Variants in PPP4R2 observed in about 807,000 individuals in gnomAD.
The protein encoded by PPP4R2 is serine/threonine-protein phosphatase 4 regulatory subunit 2.
In PPP4R2, 13 loss-of-function variants were observed where a neutral mutation model predicts 47.2. The ratio of observed to expected loss-of-function variants is 0.28; its 90% CI spans 0.18 to 0.44. The LOEUF (loss-of-function observed/expected upper bound fraction) is 0.44, where lower values mean the gene tolerates loss of function less well. PPP4R2 is among the 20% of genes least tolerant of loss of function. The probability of loss-of-function intolerance (pLI) is 1.00; values close to 1 mark genes in which losing one functional copy is unlikely to be tolerated. For synonymous variants in PPP4R2, 151 were observed against 163.3 expected, an observed-to-expected ratio of 0.92 and a Z score of 0.57; for missense variants, 421 against 491.2, an observed-to-expected ratio of 0.86 and a Z score of 1.35.
At chr3:73,013,646 C>CT (rs56817057) in intron 2 of PPP4R2, among the ~76,000 whole-genome samples, 2,278 of 145,076 alleles carry the variant, frequency 0.016, 60 homozygotes, top group African/African-American at 0.052. Context: ...TTTTCTTTTT[C>CT]TTTTTTTTTT....
At chr3:73,033,207 A>G (rs969148394) in intron 2 of PPP4R2, among the ~76,000 whole-genome samples, 4 of 152,098 alleles carry the variant, frequency 2.6e-5, no homozygotes, top group African/African-American at 9.7e-5. Flanking sequence ...TATTCTACCT[A>G]CTTATTTGAT....
chr3:72,997,177 G>T (rs1201997659), intron 1 of PPP4R2, 106 bp downstream of exon 1: 2 of 914,604 alleles, frequency 2.2e-6, no homozygotes, highest in Middle Eastern at 2.4e-4. Flanking sequence ...GCGGCGTGGG[G>T]AGAGTGCTTC....
chr3:73,009,687 A>G (rs1701683660), intron 2 of PPP4R2, among the ~76,000 whole-genome samples: 1 of 152,194 alleles, frequency 6.6e-6, no homozygotes, highest in African/African-American at 2.4e-5. Flanking sequence ...CTTGTAGACT[A>G]AAGGTCTTTT....
intron 2 of PPP4R2, among the ~76,000 whole-genome samples, chr3:73,046,152 A>G (rs775163780): frequency 6.6e-6 from 1 of 152,204 alleles, no homozygotes. Flanking sequence ...GACTCTTGCT[A>G]CATGGATTAT....
In PPP4R2 at chr3:73,063,140, A is replaced by G; in HGVS notation, c.420-533A>G. ...CCAAACTTAGCAACAGCGGCAAACT[A>G]CTGGGCCAAGATGAGCAACCCCACA... is the stretch of plus-strand genomic sequence containing the variant. On this transcript the variant is annotated intron_variant, in intron 5 of 8. Coordinates refer to ENST00000356692, the MANE Select transcript of PPP4R2 (RefSeq NM_174907.4). 6.0e-6 allele frequency: 3 copies of G among 503,612 alleles called. No homozygotes were observed. In the South Asian group the frequency reaches 7.6e-5, roughly 13 times the overall value. 31.2% of individuals were successfully genotyped at this position (503,612 alleles called of 1,614,324 possible).
Position 73,065,665 on chromosome 3 carries a change from C to G in PPP4R2, c.1197C>G (p.Ser399=). 1 of 1,610,574 alleles carries G rather than the reference C, an allele frequency of 6.2e-7. No individual in the cohort carries two copies. The highest frequency in any genetic ancestry group is 8.5e-7 in the Non-Finnish European group (1 of 1,177,208). The change falls in exon 9 of 9, where the codon TCC becomes TCG. Residue 399 remains serine (S), a synonymous_variant. Coordinates refer to ENST00000356692, the MANE Select transcript of PPP4R2 (RefSeq NM_174907.4). The part of the protein sequence containing the change: ...SKTGEILSES[S]MENDDEATEV... ...CTGGAGAGATTCTTTCAGAATCATC[C>G]ATGGAAAATGATGACGAAGCCACAG...
At chr3:73,026,268 C>G (rs944626357) in intron 2 of PPP4R2, among the ~76,000 whole-genome samples, 2 of 152,138 alleles carry the variant, frequency 1.3e-5, no homozygotes, top group African/African-American at 4.8e-5. Flanking sequence ...CGTACTGCCT[C>G]GTCCCAGTGA....
intron 3 of PPP4R2, among the ~76,000 whole-genome samples, chr3:73,050,920 T>C (rs781306478): frequency 2.1e-4 from 32 of 152,212 alleles, no homozygotes; most frequent in African/African-American, 7.5e-4. Context: ...GCCTTTTTTT[T>C]ATTTTTTTCT....
chr3:72,998,241 G>A lies in PPP4R2; in HGVS notation c.116+83G>A. 4.8e-6 allele frequency: 4 copies of A among 835,346 alleles called. No individual in the cohort carries two copies. In the South Asian group the frequency reaches 6.9e-5, roughly 14 times the overall value. 51.7% of individuals were successfully genotyped at this position (835,346 alleles called of 1,614,324 possible). On this transcript the variant is annotated intron_variant, in intron 2 of 8. Transcript: ENST00000356692. The stretch of plus-strand genomic sequence containing the variant: ...GGAAAGGGAAAAAAGTATATTTTGG[G>A]ATAATTAAATAATTCATTCTAAATT...
chr3:73,026,641 C>T (rs1395862900), intron 2 of PPP4R2, among the ~76,000 whole-genome samples: 1 of 152,050 alleles, frequency 6.6e-6, no homozygotes, highest in Non-Finnish European at 1.5e-5. Context: ...CCCAGGGCAG[C>T]TTTGAATGTG....
chr3:73,009,422 T>TA (rs1701678680), intron 2 of PPP4R2, among the ~76,000 whole-genome samples: 1 of 152,164 alleles, frequency 6.6e-6, no homozygotes, highest in African/African-American at 2.4e-5. Flanking sequence ...CTAAACTCTT[T>TA]AAAGTCACAA....
chr3:73,021,688 C>T (rs1321784095), intron 2 of PPP4R2, among the ~76,000 whole-genome samples: 1 of 152,032 alleles, frequency 6.6e-6, no homozygotes, highest in Non-Finnish European at 1.5e-5. Flanking sequence ...CACATTCCTT[C>T]TCATGTTTAT....
intron 2 of PPP4R2, chr3:73,014,948 C>A (rs963858205): frequency 1.4e-6 from 1 of 696,132 alleles, no homozygotes; most frequent in South Asian, 1.5e-5. Context: ...AAGTGATCCA[C>A]CTGCCTCAAC....
chr3:73,007,724 A>G (rs959736892), intron 2 of PPP4R2, among the ~76,000 whole-genome samples: 5 of 152,066 alleles, frequency 3.3e-5, no homozygotes, highest in Non-Finnish European at 7.4e-5. Flanking sequence ...CTTGACCTCA[A>G]GTGATCGACC....
chr3:73,052,486 A>G (rs1183468997), intron 3 of PPP4R2, among the ~76,000 whole-genome samples: 4 of 152,188 alleles, frequency 2.6e-5, no homozygotes, highest in Admixed American at 2.0e-4. Context: ...AGGGCCATTT[A>G]TGAAAATCCT....
At chr3:73,008,452 C>T (rs1006914507) in intron 2 of PPP4R2, among the ~76,000 whole-genome samples, 14 of 152,104 alleles carry the variant, frequency 9.2e-5, no homozygotes, top group African/African-American at 3.4e-4. Context: ...TTTCGGGTGC[C>T]CAAATAAGCT....
intron 2 of PPP4R2, among the ~76,000 whole-genome samples, chr3:73,033,494 T>C (rs1346865531): frequency 1.3e-5 from 2 of 152,216 alleles, no homozygotes; most frequent in Non-Finnish European, 2.9e-5. Flanking sequence ...TTTTTAATTC[T>C]GGGAATTATT....
chr3:73,011,729 T>C (rs964113875), intron 2 of PPP4R2, among the ~76,000 whole-genome samples: 21 of 152,260 alleles, frequency 1.4e-4, no homozygotes, highest in African/African-American at 5.1e-4. Flanking sequence ...TGTAATTTTG[T>C]AGAGACATAA....
rs143800246 is a variant in PPP4R2, at chr3:73,032,315, C to T, written c.117-14871C>T. Among the ~76,000 whole-genome samples the T allele has an allele frequency of 4.7e-5, 7 of 150,478 alleles. 1 individual carries two copies. Among genetic ancestry groups the T allele is most frequent in the African/African-American group, 7.3e-5 (3 of 40,828 alleles). On this transcript the variant is annotated intron_variant, in intron 2 of 8. Coordinates refer to ENST00000356692, the MANE Select transcript of PPP4R2 (RefSeq NM_174907.4). ...TTTTTTTTTTTTTGAGACGGAGTCT[C>T]GCTCTGCTGCCAGGCTGGAGTGCAG...
Sources: allele counts gnomAD v4.1 joint callset (sites outside exome capture counted in the v4.1 genomes callset), GRCh38; gene constraint gnomAD v4.1.1; transcripts MANE v1.5; gene names NCBI Gene and HGNC (gene_info 2026-07-23, HGNC 2026-07-21).